ANTXR1: variants seen among roughly 807,000 people sequenced by gnomAD.
ANTXR1 encodes the protein ANTXR cell adhesion molecule 1, also known as anthrax toxin receptor 1.
In ANTXR1, 19 loss-of-function variants were observed where a neutral mutation model predicts 78.1. That is an observed-to-expected ratio of 0.24 (90% confidence interval 0.17 to 0.36). ANTXR1 has a LOEUF of 0.36. ANTXR1 is among the 10% of genes least tolerant of loss of function. The probability of loss-of-function intolerance (pLI) is 1.00; values close to 1 mark genes in which losing one functional copy is unlikely to be tolerated. For synonymous variants in ANTXR1, 273 were observed against 260.5 expected, an observed-to-expected ratio of 1.05 and a Z score of -0.46; for missense variants, 518 against 718.6, an observed-to-expected ratio of 0.72 and a Z score of 3.19.
At chr2:69,193,109 C>G (rs910755194) in intron 16 of ANTXR1, among the ~76,000 whole-genome samples, 1 of 152,098 alleles carries the variant, frequency 6.6e-6, no homozygotes, top group East Asian at 1.9e-4. Flanking sequence ...CCTCAGGGTG[C>G]GTCCTTCACA....
intron 12 of ANTXR1, among the ~76,000 whole-genome samples, chr2:69,142,897 C>T (rs1673109481): frequency 6.6e-6 from 1 of 152,122 alleles, no homozygotes; most frequent in Non-Finnish European, 1.5e-5. Flanking sequence ...TTGTACCTAG[C>T]AGTCCACGAA....
chr2:69,152,409 A>G, intron 13 of ANTXR1, 145 bp downstream of exon 13: 3 of 844,078 alleles, frequency 3.6e-6, no homozygotes, highest in Non-Finnish European at 5.8e-6. Flanking sequence ...AATTGATGTG[A>G]ACTGACATTG....
Position 69,246,463 on chromosome 2 carries a change from G to GT in ANTXR1, c.*986dup, listed in dbSNP as rs766768760. 3.6e-3 allele frequency: 547 copies of GT among 151,994 alleles called. 3 individuals carry two copies. The highest frequency in any genetic ancestry group is 0.012 in the African/African-American group (500 of 41,418). The allele number at this position is 151,994 out of a possible 1,614,324, so 9.4% of individuals were successfully genotyped here. ...TAGGACCTATCACACAATATCACTA[G>GT]TTTTTTTTGTTTGTTTGTTTTTTGT... is the stretch of plus-strand genomic sequence containing the variant. On this transcript the variant is annotated 3_prime_UTR_variant, in exon 18 of 18. Coordinates refer to ENST00000303714, the MANE Select transcript of ANTXR1 (RefSeq NM_032208.3).
chr2:69,199,992 T>A (rs1377053425), intron 17 of ANTXR1, among the ~76,000 whole-genome samples: 1 of 152,112 alleles, frequency 6.6e-6, no homozygotes, highest in Non-Finnish European at 1.5e-5. Context: ...GTAAAGAAGA[T>A]GGAAAAGAGA....
At chr2:69,153,126 C>A (rs1319658325) in intron 13 of ANTXR1, among the ~76,000 whole-genome samples, 3 of 152,254 alleles carry the variant, frequency 2.0e-5, no homozygotes, top group Non-Finnish European at 4.4e-5. Context: ...GTGGCCACTG[C>A]TCCACTGCCA....
At chr2:69,173,308 T>C (rs919504364) in intron 14 of ANTXR1, among the ~76,000 whole-genome samples, 2 of 152,246 alleles carry the variant, frequency 1.3e-5, no homozygotes, top group Admixed American at 1.3e-4. Flanking sequence ...CTGATATTTC[T>C]AGTCTTCATT....
chr2:69,170,829 A>G (rs150058788), intron 14 of ANTXR1, among the ~76,000 whole-genome samples: 21 of 152,366 alleles, frequency 1.4e-4, no homozygotes, highest in African/African-American at 3.6e-4. Flanking sequence ...CCTTCCTCTC[A>G]AATTCTCGTC....
chr2:69,055,830 AG>A (rs1670051440), intron 3 of ANTXR1, among the ~76,000 whole-genome samples: 1 of 152,164 alleles, frequency 6.6e-6, no homozygotes, highest in Admixed American at 6.5e-5. Flanking sequence ...TGGGCACCAC[AG>A]ATGTAACAGA....
intron 15 of ANTXR1, chr2:69,182,129 T>G: frequency 3.5e-6 from 2 of 570,484 alleles, no homozygotes; most frequent in Admixed American, 3.0e-5. Context: ...CACTGTGCGT[T>G]TCCATGTCTT....
rs1276850861 is a variant in ANTXR1, at chr2:69,245,821, G to A, written c.*336G>A. 2 of 266,046 alleles carry A rather than the reference G, an allele frequency of 7.5e-6. No homozygotes were observed. The highest frequency in any genetic ancestry group is 5.6e-5 in the South Asian group (1 of 17,796). The allele number at this position is 266,046 out of a possible 1,614,324, so 16.5% of individuals were successfully genotyped here. A position where few individuals can be genotyped will look rare whatever the true frequency, so the allele number is the denominator to read the frequency against. ...AAAATCATTTATCTGAAGGTGAAATGCAGAGTTGGATAAGAAATACATTGC... is the reference window on the plus strand; with the variant it reads ...AAAATCATTTATCTGAAGGTGAAATACAGAGTTGGATAAGAAATACATTGC... On this transcript the variant is annotated 3_prime_UTR_variant, in exon 18 of 18. Transcript: ENST00000303714.
chr2:69,072,149 T>C (rs1670584886), intron 5 of ANTXR1, among the ~76,000 whole-genome samples: 1 of 152,214 alleles, frequency 6.6e-6, no homozygotes, highest in Non-Finnish European at 1.5e-5. Flanking sequence ...TTCTCTGAGC[T>C]CCAAGCCTCT....
At chr2:69,184,734 C>T (rs1674378804) in intron 16 of ANTXR1, among the ~76,000 whole-genome samples, 1 of 152,136 alleles carries the variant, frequency 6.6e-6, no homozygotes, top group African/African-American at 2.4e-5. Context: ...TTCCCAACAC[C>T]CACTTGGAAT....
At chr2:69,077,120 C>G in intron 7 of ANTXR1, 2 of 491,048 alleles carry the variant, frequency 4.1e-6, no homozygotes, top group Non-Finnish European at 7.4e-6. Context: ...CATATCAACC[C>G]AGGCCAAGCG....
chr2:69,034,608 G>A (rs753692326), intron 1 of ANTXR1, among the ~76,000 whole-genome samples: 19 of 152,160 alleles, frequency 1.2e-4, no homozygotes, highest in African/African-American at 9.7e-5. Flanking sequence ...TTTCTAGAAC[G>A]TGGCACTGCA....
chr2:69,166,245 C>T (rs549512562), intron 13 of ANTXR1, among the ~76,000 whole-genome samples: 16 of 152,182 alleles, frequency 1.1e-4, no homozygotes, highest in African/African-American at 3.6e-4. Flanking sequence ...ATGCAATGAT[C>T]GTCATCAAAT....
intron 12 of ANTXR1, among the ~76,000 whole-genome samples, chr2:69,139,397 A>T (rs1225906738): frequency 6.6e-6 from 1 of 152,228 alleles, no homozygotes; most frequent in Non-Finnish European, 1.5e-5. Context: ...CCTGAGAATC[A>T]GTCCTGACTT....
At chr2:69,244,106 C>A (rs542609777) in intron 17 of ANTXR1, among the ~76,000 whole-genome samples, 26 of 152,338 alleles carry the variant, frequency 1.7e-4, no homozygotes, top group African/African-American at 6.3e-4. Context: ...CCAGATGAGA[C>A]TAGTGGGTAT....
intron 10 of ANTXR1, 151 bp downstream of exon 10, chr2:69,103,091 C>T (rs2104320168): frequency 6.0e-6 from 5 of 837,780 alleles, no homozygotes; most frequent in East Asian, 5.3e-5. Flanking sequence ...ATAGTGAGCC[C>T]TTACAGTGGT....
intron 9 of ANTXR1, among the ~76,000 whole-genome samples, chr2:69,102,173 A>G (rs1275601844): frequency 6.6e-6 from 1 of 152,236 alleles, no homozygotes; most frequent in Admixed American, 6.5e-5. Flanking sequence ...AAGTACAATT[A>G]TTCCTACCTA....
Sources: allele counts gnomAD v4.1 joint callset (sites outside exome capture counted in the v4.1 genomes callset), GRCh38; gene constraint gnomAD v4.1.1; transcripts MANE v1.5; gene names NCBI Gene and HGNC (gene_info 2026-07-23, HGNC 2026-07-21).